PHACTR2: variants seen among roughly 807,000 people sequenced by gnomAD.
PHACTR2 encodes chromosome 6 open reading frame 56.
A neutral mutation model predicts 76.0 loss-of-function variants in PHACTR2; 30 were observed. The observed-to-expected ratio is 0.39, with a 90% CI of 0.30 to 0.54. The LOEUF is 0.54. Among genes scored for constraint, PHACTR2 ranks in the 20% least tolerant of loss-of-function variants. The pLI is 0.61. For missense variants in PHACTR2, 696 were observed against 781.1 expected (o/e 0.89, Z 1.30); for synonymous variants, 292 against 292.5 (o/e 1.00, Z 0.02).
Position 143,658,463 on chromosome 6 carries a change from A to G in PHACTR2, c.13+50141A>G, listed in dbSNP as rs1381886649. ...AACCATGCATTGCTTAAAGACAGGG[A>G]TACAATCTGAGGTGTGTTGTTAAGT... is the stretch of plus-strand genomic sequence containing the variant. On this transcript the variant is annotated intron_variant, in intron 1 of 11. Transcript: ENST00000305766. The surrounding 1 kb of genome is among the most constrained non-coding windows in gnomAD (Gnocchi z 4.1). 1.3e-5 allele frequency among the ~76,000 whole-genome samples: 2 copies of G among 152,202 alleles called. No homozygotes were observed. The highest frequency in any genetic ancestry group is 4.8e-5 in the African/African-American group (2 of 41,460).
intron 2 of PHACTR2, among the ~76,000 whole-genome samples, chr6:143,713,816 G>A (rs1252494139): frequency 6.6e-6 from 1 of 152,112 alleles, no homozygotes; most frequent in Non-Finnish European, 1.5e-5. Flanking sequence ...TTCTTCAAGT[G>A]CCTCCCTCTC....
intron 1 of PHACTR2, among the ~76,000 whole-genome samples, chr6:143,685,050 T>A (rs1777483622): frequency 6.6e-6 from 1 of 152,114 alleles, no homozygotes; most frequent in Admixed American, 6.5e-5. Context: ...CATTAAAAAT[T>A]TTTTTCTTGT....
At chr6:143,719,336 G>C (rs1217338785) in intron 2 of PHACTR2, among the ~76,000 whole-genome samples, 1 of 142,752 alleles carries the variant, frequency 7.0e-6, no homozygotes, top group Non-Finnish European at 1.5e-5. Flanking sequence ...TTCTTGCTTT[G>C]TGTTCGACAC....
upstream of PHACTR2, among the ~76,000 whole-genome samples, chr6:143,606,120 G>C (rs572176530): frequency 6.6e-6 from 1 of 152,280 alleles, no homozygotes; most frequent in Admixed American, 6.5e-5. Context: ...CAGGATCTGG[G>C]AAGATTCTTA....
intron 1 of PHACTR2, among the ~76,000 whole-genome samples, chr6:143,538,901 A>C (rs533930651): frequency 1.3e-5 from 2 of 152,340 alleles, no homozygotes; most frequent in Non-Finnish European, 2.9e-5. Context: ...TGTGAAAAGC[A>C]TTGAGTCCGA....
upstream of PHACTR2, among the ~76,000 whole-genome samples, chr6:143,677,606 T>A (rs1229527385): frequency 6.6e-6 from 1 of 152,112 alleles, no homozygotes. Context: ...GAGAAAAAAA[T>A]GGGCACAAGA....
intron 2 of PHACTR2, among the ~76,000 whole-genome samples, chr6:143,745,091 C>T (rs1293025550): frequency 2.0e-5 from 3 of 152,206 alleles, no homozygotes; most frequent in Non-Finnish European, 1.5e-5. Context: ...CTGTGCCCCA[C>T]TAGCGTCTTC....
rs559985348 is a variant in PHACTR2, at chr6:143,543,591, G to A, written c.217+6384G>A. On this transcript the variant is annotated intron_variant, in intron 1 of 11. Coordinates refer to the PHACTR2 transcript ENST00000367584. The surrounding 1 kb of genome is among the most constrained non-coding windows in gnomAD (Gnocchi z 4.7). ...CCTGGGCTATCTCTATGCAAAAGGA[G>A]GAACTGAAAGATGGAGTTGGGTTGG... is the stretch of plus-strand genomic sequence containing the variant. 1.3e-5 allele frequency among the ~76,000 whole-genome samples: 2 copies of A among 152,318 alleles called. No homozygotes were observed. Among genetic ancestry groups the A allele is most frequent in the South Asian group, 4.1e-4 (2 of 4,830 alleles).
At position 143,550,851 on chromosome 6, in the gene PHACTR2, C is replaced by A. The variant is rs1775085605; in HGVS notation, c.217+13644C>A. On this transcript the variant is annotated intron_variant, in intron 1 of 11. Coordinates refer to the PHACTR2 transcript ENST00000367584. The surrounding 1 kb of genome is among the most constrained non-coding windows in gnomAD (Gnocchi z 4.8). ...CCCAGGGGTTCGAGATCAGCCTGGG[C>A]AACATGGTGAAACCCCATCTCTAGA... Among the ~76,000 whole-genome samples, 1 of 151,962 alleles carries A rather than the reference C, an allele frequency of 6.6e-6. No homozygotes were observed. Among genetic ancestry groups the A allele is most frequent in the African/African-American group, 2.4e-5 (1 of 41,390 alleles).
In PHACTR2 at chr6:143,753,864, G is replaced by A. The variant is rs780842764; in HGVS notation, c.406G>A (p.Val136Ile). The A allele has an allele frequency of 6.2e-7, 1 of 1,611,568 alleles. No individual in the cohort carries two copies. Among genetic ancestry groups the A allele is most frequent in the Admixed American group, 1.7e-5 (1 of 59,366 alleles). Residue 136 changes from valine to isoleucine, a missense_variant, in exon 4 of 13, where the codon GTA becomes ATA. Physicochemically the swap from Val to Ile is conservative, Grantham distance 29. Coordinates refer to ENST00000440869, the MANE Select transcript of PHACTR2 (RefSeq NM_001100164.2). The surrounding 1 kb of genome is among the most constrained non-coding windows in gnomAD (Gnocchi z 4.6). ...VVKSEEGNGS[V>I]SEKTPPLEEQ... ...AAAGTCTGAAGAAGGTAATGGCTCTGTATCTGAAAAAACACCACCTCTGGA... is the reference window on the plus strand; with the variant it reads ...AAAGTCTGAAGAAGGTAATGGCTCTATATCTGAAAAAACACCACCTCTGGA...
chr6:143,552,511 C>G (rs1285424494), intron 1 of PHACTR2, among the ~76,000 whole-genome samples: 1 of 152,140 alleles, frequency 6.6e-6, no homozygotes, highest in Non-Finnish European at 1.5e-5. Context: ...TCACCCAGTA[C>G]CTTTCAATAA....
At chr6:143,604,576 C>A (rs1394969434), upstream of PHACTR2, among the ~76,000 whole-genome samples, 1 of 152,154 alleles carries the variant, frequency 6.6e-6, no homozygotes, top group South Asian at 2.1e-4. Flanking sequence ...GAGAGCTTCT[C>A]GTAGGAAAGT....
chr6:143,775,581 C>T lies in PHACTR2; in HGVS notation c.1589+1366C>T, dbSNP rs138508085. ...CAGAACCAGAATTAGAATTTCGCTC[C>T]TGGGCTCTCTGCCCAATTTTCTTTT... is the stretch of plus-strand genomic sequence containing the variant. On this transcript the variant is annotated intron_variant, in intron 8 of 12. Transcript: ENST00000440869. The surrounding 1 kb of genome is among the most constrained non-coding windows in gnomAD (Gnocchi z 4.4). Among the ~76,000 whole-genome samples the T allele has an allele frequency of 1.3e-5, 2 of 152,318 alleles. No homozygotes were observed. The highest frequency in any genetic ancestry group is 3.9e-4 in the East Asian group (2 of 5,186).
At chr6:143,692,392 T>C (rs1050842460) in intron 1 of PHACTR2, among the ~76,000 whole-genome samples, 1 of 152,230 alleles carries the variant, frequency 6.6e-6, no homozygotes, top group African/African-American at 2.4e-5. Context: ...ACTGAGCTCA[T>C]GCCGTGGGTT....
At position 143,663,492 on chromosome 6, in the gene PHACTR2, A is replaced by G. The variant is rs1291112552; in HGVS notation, c.14-48524A>G. On this transcript the variant is annotated intron_variant, in intron 1 of 11. Transcript: ENST00000305766. The surrounding 1 kb of genome is among the most constrained non-coding windows in gnomAD (Gnocchi z 4.1). The stretch of plus-strand genomic sequence containing the variant: ...TCCCTTTTTAGCTTTATCATTTAAT[A>G]TTGACCTAATTCATTTGTGTGATTA... Among the ~76,000 whole-genome samples, 17 of 152,026 alleles carry G rather than the reference A, an allele frequency of 1.1e-4. No individual in the cohort carries two copies. Among genetic ancestry groups the G allele is most frequent in the Admixed American group, 1.1e-3 (17 of 15,264 alleles).
chr6:143,607,295 T>TC (rs756206754), upstream of PHACTR2, among the ~76,000 whole-genome samples: 17 of 152,218 alleles, frequency 1.1e-4, no homozygotes, highest in Non-Finnish European at 2.2e-4. Flanking sequence ...AGTTGCGCTG[T>TC]CCCCAGCATC....
intron 2 of PHACTR2, among the ~76,000 whole-genome samples, chr6:143,727,052 G>A (rs778336210): frequency 1.8e-4 from 28 of 152,022 alleles, no homozygotes; most frequent in Non-Finnish European, 4.0e-4. Flanking sequence ...TTTATTTGAT[G>A]TAACTGTATG....
chr6:143,827,521 T>C lies in PHACTR2; in HGVS notation c.*3832T>C, dbSNP rs1413361436. 1.3e-5 allele frequency: 2 copies of C among 152,098 alleles called. No individual in the cohort carries two copies. The highest frequency in any genetic ancestry group is 2.9e-5 in the Non-Finnish European group (2 of 68,014). The allele number at this position is 152,098 out of a possible 1,614,324, so 9.4% of individuals were successfully genotyped here. On this transcript the variant is annotated 3_prime_UTR_variant, in exon 13 of 13. Transcript: ENST00000440869. ...GAAATCTTCCTCAGAGTAGGTGGTA[T>C]GAAATTAAACTAGTACAATATATAT...
In PHACTR2 at chr6:143,547,888, G is replaced by GTATC. The variant is rs574082734; in HGVS notation, c.217+10698_217+10701dup. Among the ~76,000 whole-genome samples the GTATC allele has an allele frequency of 0.022, 3,402 of 152,096 alleles. 133 individuals are homozygous for GTATC. Among genetic ancestry groups the GTATC allele is most frequent in the African/African-American group, 0.078 (3,214 of 41,440 alleles). ...TCTATGTATGTATGTATGTACGTAT[G>GTATC]TATCTATCTATCTATCTATCATCTA... On this transcript the variant is annotated intron_variant, in intron 1 of 11. Transcript: ENST00000367584. This position sits in a 1 kb window ranked among gnomAD's most constrained non-coding sequence, Gnocchi z 4.2.
Sources: gnomAD v4.1 joint callset for allele counts (sites outside exome capture counted in the v4.1 genomes callset) on GRCh38, gnomAD v4.1.1 for gene constraint, Gnocchi (gnomAD v3.1) non-coding constraint, MANE v1.5 for transcripts, NCBI Gene and HGNC (gene_info 2026-07-23, HGNC 2026-07-21) for gene names.